Variants in PDE4B observed in about 807,000 individuals in gnomAD.
The protein encoded by PDE4B is phosphodiesterase 4B.
Under a neutral mutation model 82.2 loss-of-function variants are expected in PDE4B, and 20 were observed. That is an observed-to-expected ratio of 0.24 (90% CI 0.17 to 0.35). PDE4B has a LOEUF of 0.35. Among genes scored for constraint, PDE4B ranks in the 10% least tolerant of loss-of-function variants. PDE4B has a pLI of 1.00. For missense variants in PDE4B, 655 were observed against 907.2 expected (o/e 0.72, Z 3.57); for synonymous variants, 320 against 318.9 (o/e 1.00, Z -0.04).
At chr1:66,108,319 A>G (rs1645413371) in intron 3 of PDE4B, among the ~76,000 whole-genome samples, 1 of 151,942 alleles carries the variant, frequency 6.6e-6, no homozygotes, top group South Asian at 2.1e-4. Context: ...ATTAAAAACT[A>G]AAACATAAGA....
intron 3 of PDE4B, among the ~76,000 whole-genome samples, chr1:66,201,024 A>C (rs1226309338): frequency 1.1e-3 from 164 of 152,306 alleles, no homozygotes; most frequent in Non-Finnish European, 2.5e-4. Context: ...CATCCCATCA[A>C]TACCTAATTT....
At chr1:66,321,350 T>C (rs1659390661) in intron 7 of PDE4B, among the ~76,000 whole-genome samples, 1 of 152,184 alleles carries the variant, frequency 6.6e-6, no homozygotes, top group South Asian at 2.1e-4. Flanking sequence ...TATGAATGTT[T>C]CAAATCCATT....
At chr1:66,304,339 A>G (rs1164338064) in intron 7 of PDE4B, among the ~76,000 whole-genome samples, 1 of 152,140 alleles carries the variant, frequency 6.6e-6, no homozygotes, top group Non-Finnish European at 1.5e-5. Context: ...TAAGAAGTGG[A>G]CCACCATGTT....
intron 7 of PDE4B, among the ~76,000 whole-genome samples, chr1:66,323,631 A>G (rs778725318): frequency 5.7e-4 from 86 of 152,190 alleles, no homozygotes; most frequent in Non-Finnish European, 1.1e-3. Flanking sequence ...GTAATGTACC[A>G]TGCACTGTCC....
chr1:66,055,897 A>G (rs1262633185), intron 3 of PDE4B, among the ~76,000 whole-genome samples: 1 of 152,238 alleles, frequency 6.6e-6, no homozygotes, highest in Non-Finnish European at 1.5e-5. Context: ...GTCTACAAAA[A>G]GGTAGCTATC....
intron 7 of PDE4B, among the ~76,000 whole-genome samples, chr1:66,291,202 A>G (rs978595288): frequency 6.6e-6 from 1 of 152,174 alleles, no homozygotes; most frequent in Middle Eastern, 3.2e-3. Flanking sequence ...CATCTTTAAA[A>G]CAAACCAGTG....
At chr1:66,187,015 C>T (rs546757838) in intron 3 of PDE4B, among the ~76,000 whole-genome samples, 2 of 152,064 alleles carry the variant, frequency 1.3e-5, no homozygotes, top group African/African-American at 2.4e-5. Context: ...CCCATCAATA[C>T]CTAATTTATT....
chr1:65,858,994 T>C (rs900516732), intron 1 of PDE4B, among the ~76,000 whole-genome samples: 5 of 152,144 alleles, frequency 3.3e-5, no homozygotes, highest in African/African-American at 1.2e-4. Flanking sequence ...TTATGTTTTC[T>C]TCGGAGCTGT....
At chr1:65,991,308 T>C (rs569088437) in intron 3 of PDE4B, among the ~76,000 whole-genome samples, 39 of 152,142 alleles carry the variant, frequency 2.6e-4, no homozygotes, top group Non-Finnish European at 4.4e-4. Flanking sequence ...CTCAAACTCC[T>C]GGCCTCAACT....
chr1:66,097,979 C>T (rs1181215839), intron 3 of PDE4B, among the ~76,000 whole-genome samples: 1 of 151,516 alleles, frequency 6.6e-6, no homozygotes, highest in Non-Finnish European at 1.5e-5. Context: ...TTAGAATTGG[C>T]CCAGAGCACC....
At chr1:65,842,291 A>G (rs1009548621) in intron 1 of PDE4B, among the ~76,000 whole-genome samples, 2 of 152,188 alleles carry the variant, frequency 1.3e-5, no homozygotes, top group Non-Finnish European at 1.5e-5. Context: ...ATACAAAAAC[A>G]AATAATTATA....
chr1:66,112,046 A>C (rs183617375), intron 3 of PDE4B, among the ~76,000 whole-genome samples: 318 of 152,228 alleles, frequency 2.1e-3, no homozygotes, highest in Non-Finnish European at 3.4e-3. Flanking sequence ...AAATTACCAA[A>C]GAGCAATGTA....
chr1:65,848,233 G>A (rs1283505802), intron 1 of PDE4B, among the ~76,000 whole-genome samples: 1 of 151,972 alleles, frequency 6.6e-6, no homozygotes, highest in Non-Finnish European at 1.5e-5. Context: ...CCACCTTCTG[G>A]GTTCAAGCAG....
intron 1 of PDE4B, among the ~76,000 whole-genome samples, chr1:65,845,968 A>G (rs1349777309): frequency 6.6e-6 from 1 of 152,178 alleles, no homozygotes; most frequent in East Asian, 1.9e-4. Flanking sequence ...TAGTATCTTT[A>G]AGCTGTGCCT....
At chr1:65,910,924 A>G (rs1488564924) in intron 1 of PDE4B, among the ~76,000 whole-genome samples, 1 of 152,032 alleles carries the variant, frequency 6.6e-6, no homozygotes, top group Non-Finnish European at 1.5e-5. Flanking sequence ...CAATCAATCT[A>G]TATTTCTTGC....
At chr1:66,134,109 G>T (rs888392727) in intron 3 of PDE4B, among the ~76,000 whole-genome samples, 4 of 151,674 alleles carry the variant, frequency 2.6e-5, no homozygotes, top group African/African-American at 9.7e-5. Flanking sequence ...ATGAGATAGA[G>T]ATTACAGATG....
At chr1:66,234,429 C>T (rs1357137818) in intron 3 of PDE4B, among the ~76,000 whole-genome samples, 2 of 152,150 alleles carry the variant, frequency 1.3e-5, no homozygotes, top group Non-Finnish European at 2.9e-5. Flanking sequence ...GCTGGGACTA[C>T]AGGTGCATGC....
intron 3 of PDE4B, among the ~76,000 whole-genome samples, chr1:66,057,923 TC>T (rs1655387277): frequency 6.6e-6 from 1 of 151,956 alleles, no homozygotes; most frequent in Admixed American, 6.6e-5. Flanking sequence ...TTCCCAACGG[TC>T]CCCCAAAGTC....
chr1:66,222,497 C>T (rs1261533796), intron 3 of PDE4B, among the ~76,000 whole-genome samples: 1 of 152,210 alleles, frequency 6.6e-6, no homozygotes, highest in Non-Finnish European at 1.5e-5. Context: ...GCCTAGCGTT[C>T]AGAGCACCCA....
Sources: gnomAD v4.1 joint callset for allele counts (sites outside exome capture counted in the v4.1 genomes callset) on GRCh38, gnomAD v4.1.1 for gene constraint, MANE v1.5 for transcripts, NCBI Gene and HGNC (gene_info 2026-07-23, HGNC 2026-07-21) for gene names.